The following ELAVL4 variants were observed in gnomAD, a reference collection of about 807,000 sequenced individuals.
ELAVL4 encodes ELAV like RNA binding protein 4, also known as ELAV-like protein 4.
Under a neutral mutation model 35.6 loss-of-function variants are expected in ELAVL4, and 1 was observed. The ratio of observed to expected loss-of-function variants is 0.03; its 90% confidence interval spans 0.01 to 0.13. ELAVL4 has a LOEUF of 0.13. ELAVL4 is among the 10% of genes least tolerant of loss of function. The pLI, the probability that ELAVL4 is intolerant of heterozygous loss-of-function variation, is 1.00. For synonymous variants in ELAVL4, 156 were observed against 171.0 expected (o/e 0.91, Z 0.69); for missense variants, 267 against 464.9 (o/e 0.57, Z 3.91).
chr1:50,183,817 G>A (rs1178948738), intron 3 of ELAVL4, among the ~76,000 whole-genome samples: 1 of 152,138 alleles, frequency 6.6e-6, no homozygotes, highest in Non-Finnish European at 1.5e-5. Flanking sequence ...TGCTCTTAAT[G>A]CTTCCTGGAG....
At chr1:50,150,348 G>A (rs1369027495) in intron 2 of ELAVL4, among the ~76,000 whole-genome samples, 9 of 152,166 alleles carry the variant, frequency 5.9e-5, no homozygotes, top group African/African-American at 1.9e-4. Context: ...CCAAATAAAT[G>A]ACCTTCACTA....
intron 1 of ELAVL4, among the ~76,000 whole-genome samples, chr1:50,071,285 A>G (rs1426011441): frequency 6.6e-6 from 1 of 152,200 alleles, no homozygotes; most frequent in Non-Finnish European, 1.5e-5. Context: ...TGTAAACTCT[A>G]TGAGGGCAAG....
chr1:50,201,339 G>T lies in ELAVL4; in HGVS notation c.*161G>T. On this transcript the variant is annotated 3_prime_UTR_variant, in exon 7 of 7. Coordinates refer to ENST00000371824, the MANE Select transcript of ELAVL4 (RefSeq NM_001144774.3). This position sits in a 1 kb window ranked among gnomAD's most constrained non-coding sequence, Gnocchi z 4.3. ...AGTGTTGCCTAAGTATTAAAACATT[G>T]GATTATCCTGAGGTGTACCAGGAAA... 1 of 800,802 alleles carries T rather than the reference G, an allele frequency of 1.2e-6. No individual in the cohort carries two copies. The highest frequency in any genetic ancestry group is 1.8e-6 in the Non-Finnish European group (1 of 568,610). The allele number at this position is 800,802 out of a possible 1,614,324, so 49.6% of individuals were successfully genotyped here. A position where few individuals can be genotyped will look rare whatever the true frequency, so the allele number is the denominator to read the frequency against.
intron 2 of ELAVL4, among the ~76,000 whole-genome samples, chr1:50,165,393 T>TG (rs2148777520): frequency 6.6e-6 from 1 of 151,408 alleles, no homozygotes; most frequent in Non-Finnish European, 1.5e-5. Context: ...TCTGTATTAG[T>TG]GAGGGTTCTC....
At chr1:50,096,046 A>G (rs1442664561) in intron 1 of ELAVL4, among the ~76,000 whole-genome samples, 7 of 152,188 alleles carry the variant, frequency 4.6e-5, no homozygotes, top group Non-Finnish European at 7.3e-5. Flanking sequence ...TTTTTGAGTC[A>G]TCCTTGGGAT....
At position 50,193,836 on chromosome 1, in the gene ELAVL4, C is replaced by T; in HGVS notation, c.426C>T (p.Thr142=). The change falls in exon 4 of 7, where the codon ACC becomes ACT. Residue 142 remains threonine (T), a synonymous_variant. Transcript: ENST00000371824. ...ANLYVSGLPK[T]MTQKELEQLF... The stretch of plus-strand genomic sequence containing the variant: ...TCTATGTTAGCGGCCTTCCCAAAAC[C>T]ATGACCCAGAAGGAACTGGAGCAAC... 3 of 1,614,160 alleles carry T rather than the reference C, an allele frequency of 1.9e-6. No homozygotes were observed. Among genetic ancestry groups the T allele is most frequent in the Non-Finnish European group, 2.5e-6 (3 of 1,179,996 alleles).
At chr1:50,172,687 C>T (rs535016438) in intron 2 of ELAVL4, among the ~76,000 whole-genome samples, 49 of 152,306 alleles carry the variant, frequency 3.2e-4, no homozygotes, top group Middle Eastern at 6.8e-3. Context: ...GTTTTCTAAC[C>T]CCTGATCCAG....
upstream of ELAVL4, chr1:50,103,945 G>A (rs772185654): frequency 6.2e-7 from 1 of 1,613,904 alleles, no homozygotes; most frequent in East Asian, 2.2e-5. Flanking sequence ...GCACGTGAAT[G>A]CTCTGGAACT....
At chr1:50,056,719 G>A (rs1413065687) in intron 1 of ELAVL4, among the ~76,000 whole-genome samples, 7 of 152,172 alleles carry the variant, frequency 4.6e-5, no homozygotes, top group Admixed American at 1.3e-4. Context: ...GGCGGATCAC[G>A]AGGTCAGATC....
chr1:50,089,077 G>A (rs1260824236), intron 1 of ELAVL4, among the ~76,000 whole-genome samples: 1 of 152,158 alleles, frequency 6.6e-6, no homozygotes, highest in African/African-American at 2.4e-5. Flanking sequence ...AAGTGAATGA[G>A]CTCCTCAAAT....
In ELAVL4 at chr1:50,195,802, G is replaced by C. The variant is rs748213470; in HGVS notation, c.734+16G>C. ...AGAGGTTCAGGTAGGCATGCCCAAA[G>C]AGGAAGAAGCCCTGCTACAGGGGTT... On this transcript the variant is annotated intron_variant, in intron 5 of 6. Transcript: ENST00000371824. The C allele has an allele frequency of 1.2e-6, 2 of 1,613,890 alleles. No homozygotes were observed. Among genetic ancestry groups the C allele is most frequent in the South Asian group, 2.2e-5 (2 of 91,080 alleles).
chr1:50,188,059 C>T (rs1011145925), intron 3 of ELAVL4, among the ~76,000 whole-genome samples: 2 of 152,116 alleles, frequency 1.3e-5, no homozygotes, highest in African/African-American at 4.8e-5. Flanking sequence ...GGTGCCACTG[C>T]ACTCCAGCCT....
intron 3 of ELAVL4, among the ~76,000 whole-genome samples, chr1:50,182,065 T>C (rs967160919): frequency 1.3e-5 from 2 of 152,248 alleles, no homozygotes; most frequent in African/African-American, 2.4e-5. Flanking sequence ...TTATTCCTGG[T>C]ACTCCTTGAC....
chr1:50,048,208 G>C (rs1337550467), intron 1 of ELAVL4: 1 of 1,506,862 alleles, frequency 6.6e-7, no homozygotes, highest in Non-Finnish European at 8.9e-7. Context: ...CGCAGGCCCC[G>C]CACCCCCGAC....
rs916471782 is a variant in ELAVL4 at position 50,098,759 on chromosome 1, G to C, written c.19-46198G>C. 5.9e-5 allele frequency among the ~76,000 whole-genome samples: 9 copies of C among 152,316 alleles called. No homozygotes were observed. The East Asian group carries it at 1.7e-3, about 29-fold the overall frequency. ...GGGAAGAACTAAAAAGGGTCAAGTG[G>C]AGAGTTGCCTCTTTCTGACAGTTAT... is the stretch of plus-strand genomic sequence containing the variant. On this transcript the variant is annotated intron_variant, in intron 1 of 6. Transcript: ENST00000448907.
upstream of ELAVL4, chr1:50,103,945 G>GT (rs760846454): frequency 1.7e-5 from 27 of 1,613,786 alleles, no homozygotes; most frequent in Non-Finnish European, 2.0e-5. Context: ...GCACGTGAAT[G>GT]CTCTGGAACT....
chr1:50,158,978 A>T (rs1676245516), intron 2 of ELAVL4, among the ~76,000 whole-genome samples: 1 of 151,184 alleles, frequency 6.6e-6, no homozygotes, highest in African/African-American at 2.4e-5. Flanking sequence ...CAGAGGTTGC[A>T]GCAGTGAGCC....
chr1:50,149,995 G>C (rs959010771), intron 2 of ELAVL4, among the ~76,000 whole-genome samples: 2 of 152,204 alleles, frequency 1.3e-5, no homozygotes, highest in South Asian at 4.1e-4. Flanking sequence ...AGCTGGAGCT[G>C]TTGGGGAAAG....
At chr1:50,099,289 G>A (rs374656439), upstream of ELAVL4, among the ~76,000 whole-genome samples, 3 of 152,144 alleles carry the variant, frequency 2.0e-5, no homozygotes, top group East Asian at 1.9e-4. Context: ...GGCTGGGTGC[G>A]GTGGCTCACG....
Sources: allele counts gnomAD v4.1 joint callset (sites outside exome capture counted in the v4.1 genomes callset), GRCh38; gene constraint gnomAD v4.1.1; non-coding constraint Gnocchi (gnomAD v3.1); transcripts MANE v1.5; gene names NCBI Gene and HGNC (gene_info 2026-07-23, HGNC 2026-07-21).